LRP1B: variants seen among roughly 807,000 people sequenced by gnomAD.
LRP1B encodes the protein low-density lipoprotein receptor-related protein 1B.
LRP1B carries 217 observed loss-of-function variants against 556.6 expected under a neutral mutation model. The ratio of observed to expected loss-of-function variants is 0.39; its 90% CI spans 0.35 to 0.44. The LOEUF is 0.44. Among genes scored for constraint, LRP1B ranks in the 20% least tolerant of loss-of-function variants. The pLI is 1.00. For synonymous variants in LRP1B, 2,047 were observed against 1,865.8 expected (o/e 1.10, Z -2.50); for missense variants, 5,053 against 5,620.8 (o/e 0.90, Z 3.23).
At chr2:140,877,616 TG>T (rs1257763188) in intron 25 of LRP1B, among the ~76,000 whole-genome samples, 14 of 152,266 alleles carry the variant, frequency 9.2e-5, no homozygotes, top group Non-Finnish European at 1.8e-4. Flanking sequence ...CTCTGCTCAC[TG>T]AGATCAATGC....
At chr2:140,997,022 T>A (rs898544079) in intron 15 of LRP1B, among the ~76,000 whole-genome samples, 2 of 152,016 alleles carry the variant, frequency 1.3e-5, no homozygotes, top group Non-Finnish European at 2.9e-5. Context: ...TTGAACTATG[T>A]ATTTGAAAAC....
intron 41 of LRP1B, among the ~76,000 whole-genome samples, chr2:140,655,875 G>A (rs1684862359): frequency 6.6e-6 from 1 of 151,680 alleles, no homozygotes; most frequent in Admixed American, 6.6e-5. Flanking sequence ...CCCGGGAGGC[G>A]GAGCTTGCAG....
At chr2:141,879,789 A>G (rs578085665) in intron 1 of LRP1B, among the ~76,000 whole-genome samples, 6 of 152,140 alleles carry the variant, frequency 3.9e-5, no homozygotes, top group African/African-American at 1.4e-4. Flanking sequence ...ACGTCTCATA[A>G]TTATAATTAG....
intron 66 of LRP1B, among the ~76,000 whole-genome samples, chr2:140,420,455 A>G (rs563516309): frequency 6.6e-6 from 1 of 152,342 alleles, no homozygotes; most frequent in East Asian, 1.9e-4. Context: ...CATCCACTTT[A>G]GAAAATAATT....
intron 2 of LRP1B, among the ~76,000 whole-genome samples, chr2:141,687,288 T>C (rs529435275): frequency 1.3e-5 from 2 of 152,078 alleles, no homozygotes; most frequent in African/African-American, 4.8e-5. Flanking sequence ...ATAACATTAA[T>C]AGGTTATTTA....
intron 43 of LRP1B, among the ~76,000 whole-genome samples, chr2:140,572,789 T>G (rs1463665095): frequency 2.2e-5 from 1 of 44,776 alleles, no homozygotes; most frequent in East Asian, 7.8e-4. Flanking sequence ...TGAGATACTA[T>G]TCAGCCATAA....
At chr2:141,553,893 T>C (rs1685853675) in intron 2 of LRP1B, among the ~76,000 whole-genome samples, 1 of 112,106 alleles carries the variant, frequency 8.9e-6, no homozygotes, top group African/African-American at 2.8e-5. Flanking sequence ...ATATAATATA[T>C]CTATATTAAT....
chr2:141,669,481 C>T (rs996561671), intron 2 of LRP1B, among the ~76,000 whole-genome samples: 3 of 152,078 alleles, frequency 2.0e-5, no homozygotes, highest in Non-Finnish European at 4.4e-5. Flanking sequence ...AGATCAAAAC[C>T]TTCCTCTGGG....
intron 7 of LRP1B, among the ~76,000 whole-genome samples, chr2:141,119,606 G>A (rs1700992518): frequency 6.6e-6 from 1 of 151,718 alleles, no homozygotes; most frequent in Admixed American, 6.6e-5. Flanking sequence ...AGTGACAAAG[G>A]AAAAGCACAT....
intron 3 of LRP1B, among the ~76,000 whole-genome samples, chr2:141,397,656 C>G (rs1690292061): frequency 6.6e-6 from 1 of 151,814 alleles, no homozygotes; most frequent in African/African-American, 2.4e-5. Flanking sequence ...ATAAGTGGAT[C>G]TTTATAGGTA....
intron 1 of LRP1B, among the ~76,000 whole-genome samples, chr2:142,014,686 G>A (rs886095044): frequency 5.3e-5 from 8 of 152,142 alleles, no homozygotes; most frequent in African/African-American, 1.4e-4. Flanking sequence ...TTGGAAGCAC[G>A]TACATTAAAA....
At chr2:141,561,998 C>T (rs1455143470) in intron 2 of LRP1B, among the ~76,000 whole-genome samples, 2 of 151,744 alleles carry the variant, frequency 1.3e-5, no homozygotes, top group African/African-American at 4.8e-5. Flanking sequence ...AACTTTGCAA[C>T]AAGGGTTATA....
At chr2:141,952,393 T>C (rs1701131079) in intron 1 of LRP1B, among the ~76,000 whole-genome samples, 1 of 152,160 alleles carries the variant, frequency 6.6e-6, no homozygotes, top group Admixed American at 6.6e-5. Flanking sequence ...GGTCAAATCA[T>C]TCTTTAAACA....
intron 70 of LRP1B, 148 bp downstream of exon 70, chr2:140,371,031 A>G: frequency 1.3e-6 from 1 of 781,146 alleles, no homozygotes; most frequent in South Asian, 2.1e-5. Flanking sequence ...AAATTCAGGT[A>G]TTTGCTGAAA....
intron 1 of LRP1B, among the ~76,000 whole-genome samples, chr2:142,094,062 T>A (rs772103785): frequency 2.6e-5 from 4 of 152,050 alleles, no homozygotes; most frequent in Non-Finnish European, 5.9e-5. Context: ...ATCTTCTATG[T>A]CCTCACATGT....
rs142763822 is a variant in LRP1B, at chr2:140,239,507, G to A, written c.13350C>T (p.Leu4450=). Residue 4450 remains leucine (L), a synonymous_variant, in exon 88 of 91, where the codon CTC becomes CTT. Coordinates refer to ENST00000389484, the MANE Select transcript of LRP1B (RefSeq NM_018557.3). ...TGGTTATCAAAGTCACCAAGAGGAC[G>A]AGAGGCACAATGATGGCAATGCTTC... The part of the protein sequence containing the change: ...STRSIAIIVP[L]VLLVTLITTL... 1.4e-4 allele frequency: 224 copies of A among 1,603,996 alleles called. 1 individual carries two copies. In the East Asian group the frequency reaches 4.6e-3, roughly 33 times the overall value.
chr2:140,428,568 C>A (rs1439844831), intron 66 of LRP1B, among the ~76,000 whole-genome samples: 1 of 152,134 alleles, frequency 6.6e-6, no homozygotes, highest in Non-Finnish European at 1.5e-5. Flanking sequence ...TGGCCCAAGG[C>A]TCTGACTCCT....
Position 141,964,939 on chromosome 2 carries a change from A to C in LRP1B, c.83-154538T>G, listed in dbSNP as rs1425502362. 3.7e-4 allele frequency among the ~76,000 whole-genome samples: 55 copies of C among 150,596 alleles called. No individual in the cohort carries two copies. The East Asian group carries it at 1.0e-2, about 27-fold the overall frequency. ...CCCCATCAAAAAGTGGGCGAGGGAC[A>C]TGAACAGACACTTCTCAAAAAAAGA... On this transcript the variant is annotated intron_variant, in intron 1 of 90. Transcript: ENST00000389484.
At position 140,274,548 on chromosome 2, in the gene LRP1B, C is replaced by T. The variant is rs2104952481; in HGVS notation, c.13018G>A (p.Asp4340Asn). ...GGACAGACACATTCAACACTTCCATCATCCCCAATGGTACATGATTCAGAA... is the reference window on the plus strand; with the variant it reads ...GGACAGACACATTCAACACTTCCATTATCCCCAATGGTACATGATTCAGAA... Reference protein sequence around the residue: ...VNSESCTIGDDGSVECVCPTR... With the variant: ...VNSESCTIGDNGSVECVCPTR... The change falls in exon 85 of 91, where the codon GAT becomes AAT. Residue 4340 changes from aspartate (D) to asparagine (N), a missense_variant. By Grantham distance (23) the Asp-to-Asn change is conservative (BLOSUM62 1). Coordinates refer to ENST00000389484, the MANE Select transcript of LRP1B (RefSeq NM_018557.3). 2 of 1,612,612 alleles carry T rather than the reference C, an allele frequency of 1.2e-6. No homozygotes were observed. Among genetic ancestry groups the T allele is most frequent in the African/African-American group, 1.3e-5 (1 of 74,938 alleles).
Sources: allele counts gnomAD v4.1 joint callset (sites outside exome capture counted in the v4.1 genomes callset), GRCh38; gene constraint gnomAD v4.1.1; transcripts MANE v1.5; gene names NCBI Gene and HGNC (gene_info 2026-07-23, HGNC 2026-07-21).